Variants in SCAP observed in about 807,000 individuals in gnomAD.
The protein encoded by SCAP is SREBF chaperone, also known as sterol regulatory element-binding protein cleavage-activating protein.
SCAP carries 65 observed loss-of-function variants against 123.6 expected under a neutral mutation model. That is an observed-to-expected ratio of 0.53 (90% CI 0.43 to 0.65). The LOEUF (loss-of-function observed/expected upper bound fraction) is 0.65, where lower values mean the gene tolerates loss of function less well. SCAP is among the 30% of genes least tolerant of loss of function. The pLI is 0.00. For missense variants in SCAP, 1,398 were observed against 1,712.5 expected, an observed-to-expected ratio of 0.82 and a Z score of 3.24; for synonymous variants, 740 against 726.3, an observed-to-expected ratio of 1.02 and a Z score of -0.30.
chr3:47,457,401 G>A (rs1647289165), intron 1 of SCAP, among the ~76,000 whole-genome samples: 1 of 152,118 alleles, frequency 6.6e-6, no homozygotes, highest in Non-Finnish European at 1.5e-5. Flanking sequence ...GACTCTCTCA[G>A]CCTCCTGGAT....
At position 47,420,930 on chromosome 3, in the gene SCAP, C is replaced by A; in HGVS notation, c.1344+1G>T. On this transcript the variant is annotated splice_donor_variant, in intron 11 of 22. Coordinates refer to ENST00000265565, the MANE Select transcript of SCAP (RefSeq NM_012235.4). LOFTEE classifies it high-confidence loss of function. This position sits in a 1 kb window ranked among gnomAD's most constrained non-coding sequence, Gnocchi z 5.0. ...CAGGGCAGGGCTCAGCCCACTCCTA[C>A]CTCCATCCGGCGAATGTCAATGGAC... is the stretch of plus-strand genomic sequence containing the variant. 1 of 1,613,394 alleles carries A rather than the reference C, an allele frequency of 6.2e-7. No homozygotes were observed. Among genetic ancestry groups the A allele is most frequent in the Non-Finnish European group, 8.5e-7 (1 of 1,179,524 alleles).
intron 4 of SCAP, among the ~76,000 whole-genome samples, chr3:47,427,906 C>T (rs991987455): frequency 2.6e-5 from 4 of 152,144 alleles, no homozygotes; most frequent in East Asian, 1.9e-4. Flanking sequence ...GCTCTGAGGA[C>T]GGGCAAGTGT....
At chr3:47,422,042 G>T (rs534631373) in intron 10 of SCAP, among the ~76,000 whole-genome samples, 1 of 152,390 alleles carries the variant, frequency 6.6e-6, no homozygotes, top group Admixed American at 6.5e-5. Flanking sequence ...CCGGAGGAAG[G>T]GTCTAGGAAC....
At chr3:47,441,877 T>TC (rs1386933689) in intron 2 of SCAP, among the ~76,000 whole-genome samples, 1 of 142,338 alleles carries the variant, frequency 7.0e-6, no homozygotes, top group African/African-American at 2.7e-5. Flanking sequence ...CATCTTTCTT[T>TC]TTTTTTTTTT....
chr3:47,469,317 A>G (rs1300854509), intron 1 of SCAP, among the ~76,000 whole-genome samples: 2 of 152,206 alleles, frequency 1.3e-5, no homozygotes, highest in Non-Finnish European at 1.5e-5. Flanking sequence ...GTTGCATTCC[A>G]GCTTGAGTGA....
At chr3:47,468,565 G>C (rs560863885) in intron 1 of SCAP, among the ~76,000 whole-genome samples, 1 of 152,156 alleles carries the variant, frequency 6.6e-6, no homozygotes, top group South Asian at 2.1e-4. Context: ...TGATAGGGTT[G>C]TTTGATTTTT....
intron 1 of SCAP, among the ~76,000 whole-genome samples, chr3:47,463,669 G>C (rs1323774699): frequency 6.6e-6 from 1 of 152,068 alleles, no homozygotes; most frequent in Non-Finnish European, 1.5e-5. Flanking sequence ...CTGCACTCGA[G>C]CCTGGCAGCC....
intron 2 of SCAP, among the ~76,000 whole-genome samples, chr3:47,437,792 G>GA (rs893399731): frequency 3.2e-4 from 48 of 150,920 alleles, no homozygotes; most frequent in East Asian, 3.9e-4. Flanking sequence ...TTAAAAAAAA[G>GA]AAAAAAAAAG....
chr3:47,428,386 C>T lies in SCAP; in HGVS notation c.410+127G>A, dbSNP rs1706228639. 4 of 1,016,106 alleles carry T rather than the reference C, an allele frequency of 3.9e-6. No homozygotes were observed. In the East Asian group the frequency reaches 9.7e-5, roughly 25 times the overall value. The allele number at this position is 1,016,106 out of a possible 1,614,324, so 62.9% of individuals were successfully genotyped here. ...GCTGAGAAATTCAAGGCTAGCTCACCCTCCATCCTTCTTGCTTGTTCTATC... is the reference window on the plus strand; with the variant it reads ...GCTGAGAAATTCAAGGCTAGCTCACTCTCCATCCTTCTTGCTTGTTCTATC... On this transcript the variant is annotated intron_variant, in intron 4 of 22. Coordinates refer to ENST00000265565, the MANE Select transcript of SCAP (RefSeq NM_012235.4).
rs1475184656 is a variant in SCAP, at chr3:47,417,732, G to A, written c.2542C>T (p.Pro848Ser). The A allele has an allele frequency of 7.5e-6, 12 of 1,607,910 alleles. No individual in the cohort carries two copies. The highest frequency in any genetic ancestry group is 7.6e-6 in the Non-Finnish European group (9 of 1,178,740). ...SDGGKAGPEE[P>S]GDSPPLRHRP... ...TGTCTCAGGGGAGGGCTGTCCCCAG[G>A]CTCCTCTGGACCAGCCTTCCCACCA... Residue 848 changes from proline to serine, a missense_variant, in exon 17 of 23, where the codon CCT becomes TCT. Pro to Ser is a moderately conservative substitution (Grantham distance 74). Transcript: ENST00000265565.
chr3:47,442,482 G>C (rs183651728), intron 2 of SCAP, among the ~76,000 whole-genome samples: 3 of 152,334 alleles, frequency 2.0e-5, no homozygotes, highest in East Asian at 3.9e-4. Flanking sequence ...CCAAGATACT[G>C]TTCTAATGGA....
Position 47,443,073 on chromosome 3 carries a change from GAAC to G in SCAP, c.-83_-81del, listed in dbSNP as rs1706869444. 7.5e-6 allele frequency: 12 copies of G among 1,599,292 alleles called. No individual in the cohort carries two copies. Among genetic ancestry groups the G allele is most frequent in the East Asian group, 2.2e-5 (1 of 44,638 alleles). ...GCACACACTTGACAGCACTGACAAA[GAAC>G]AACATGTGCAGGTACCTGGTAAGAA... On this transcript the variant is annotated 5_prime_UTR_variant, in exon 2 of 23. Coordinates refer to ENST00000265565, the MANE Select transcript of SCAP (RefSeq NM_012235.4).
chr3:47,413,721 A>G lies in SCAP; in HGVS notation c.*133T>C. The G allele has an allele frequency of 7.9e-7, 1 of 1,272,388 alleles. No homozygotes were observed. Among genetic ancestry groups the G allele is most frequent in the East Asian group, 2.3e-5 (1 of 42,840 alleles). 78.8% of individuals were successfully genotyped at this position (1,272,388 alleles called of 1,614,324 possible). A position where few individuals can be genotyped will look rare whatever the true frequency, so the allele number is the denominator to read the frequency against. ...CTGACAGATGATGATATGGTTTTTT[A>G]AAAAAGTTTAATATTATTACAGTCA... is the stretch of plus-strand genomic sequence containing the variant. On this transcript the variant is annotated 3_prime_UTR_variant, in exon 23 of 23. Coordinates refer to ENST00000265565, the MANE Select transcript of SCAP (RefSeq NM_012235.4).
chr3:47,419,569 T>C lies in SCAP; in HGVS notation c.1699A>G (p.Met567Val), dbSNP rs1038029106. The part of the protein sequence containing the change: ...ALAPMPVPSG[M>V]LPPSHPDPAF... ...GGGTCCGGGTGGCTGGGGGGCAGCA[T>C]GCCACTAGGCACGGGCATGGGAGCC... The change falls in exon 13 of 23, where the codon ATG becomes GTG. Residue 567 changes from methionine to valine, a missense_variant. Transcript: ENST00000265565. This position sits in a 1 kb window ranked among gnomAD's most constrained non-coding sequence, Gnocchi z 5.0. The C allele has an allele frequency of 6.8e-6, 11 of 1,612,578 alleles. No homozygotes were observed. Among genetic ancestry groups the C allele is most frequent in the Non-Finnish European group, 9.3e-6 (11 of 1,179,080 alleles).
chr3:47,433,724 G>A (rs561275133), intron 3 of SCAP, among the ~76,000 whole-genome samples: 17 of 152,092 alleles, frequency 1.1e-4, no homozygotes, highest in South Asian at 2.1e-4. Context: ...AAAATTAGCC[G>A]GGTGTGGTGG....
At chr3:47,453,634 C>G (rs915381418) in intron 1 of SCAP, among the ~76,000 whole-genome samples, 4 of 152,066 alleles carry the variant, frequency 2.6e-5, no homozygotes, top group African/African-American at 7.2e-5. Flanking sequence ...TTGTAACAAC[C>G]CTTAAACTAA....
chr3:47,465,648 A>G (rs1275377804), intron 1 of SCAP, among the ~76,000 whole-genome samples: 1 of 152,058 alleles, frequency 6.6e-6, no homozygotes, highest in Non-Finnish European at 1.5e-5. Flanking sequence ...ACATTCCTGT[A>G]GTCCCACCTA....
In SCAP at chr3:47,420,962, G is replaced by A; in HGVS notation, c.1313C>T (p.Thr438Ile). Residue 438 changes from threonine to isoleucine, a missense_variant, in exon 11 of 23, where the codon ACT becomes ATT. Thr to Ile is a moderately conservative substitution (Grantham distance 89, BLOSUM62 -1). This residue lies in a region of SCAP where 66 missense variants were observed against 116.3 expected (regional missense o/e 0.57). Transcript: ENST00000265565. This position sits in a 1 kb window ranked among gnomAD's most constrained non-coding sequence, Gnocchi z 5.0. Reference sequence around the variant, plus strand: ...CCGGCGAATGTCAATGGACAGGACAGTGGTGAAAAACAGCATCTGAAGGAA... The same window carrying A: ...CCGGCGAATGTCAATGGACAGGACAATGGTGAAAAACAGCATCTGAAGGAA... ...DFFLQMLFFT[T>I]VLSIDIRRME... 6.2e-7 allele frequency: 1 copy of A among 1,613,990 alleles called. No individual in the cohort carries two copies. Among genetic ancestry groups the A allele is most frequent in the Non-Finnish European group, 8.5e-7 (1 of 1,179,988 alleles).
chr3:47,417,723 T>C lies in SCAP; in HGVS notation c.2551A>G (p.Ser851Gly). The C allele has an allele frequency of 1.2e-6, 2 of 1,607,914 alleles. No homozygotes were observed. Among genetic ancestry groups the C allele is most frequent in the Admixed American group, 3.4e-5 (2 of 59,596 alleles). ...GKAGPEEPGD[S>G]PPLRHRPRGP... is the part of the protein sequence containing the mutation. ...CGGGGGCGGTGTCTCAGGGGAGGGC[T>C]GTCCCCAGGCTCCTCTGGACCAGCC... The change falls in exon 17 of 23, where the codon AGC becomes GGC. Residue 851 changes from serine (S) to glycine (G), a missense_variant. Physicochemically the swap from Ser to Gly is moderately conservative, Grantham distance 56. This residue lies in a region of SCAP where 828 missense variants were observed against 882.5 expected (regional missense o/e 0.94). Transcript: ENST00000265565.
Sources: gnomAD v4.1 joint callset for allele counts (sites outside exome capture counted in the v4.1 genomes callset) on GRCh38, gnomAD v4.1.1 for gene constraint, gnomAD v4.1.1 regional missense constraint, Gnocchi (gnomAD v3.1) non-coding constraint, MANE v1.5 for transcripts, NCBI Gene and HGNC (gene_info 2026-07-23, HGNC 2026-07-21) for gene names.